The following DNAH2 variants were observed in gnomAD, a reference collection of about 807,000 sequenced individuals.
DNAH2 encodes dynein axonemal heavy chain 2.
A neutral mutation model predicts 523.5 loss-of-function variants in DNAH2; 323 were observed. The observed-to-expected ratio is 0.62, with a 90% confidence interval of 0.56 to 0.68. The LOEUF is 0.68. DNAH2 is among the 30% of genes least tolerant of loss of function. The pLI, the probability that DNAH2 is intolerant of heterozygous loss-of-function variation, is 0.00. For missense variants in DNAH2, 4,907 were observed against 5,701.5 expected, an observed-to-expected ratio of 0.86 and a Z score of 4.49; for synonymous variants, 2,093 against 2,177.4, an observed-to-expected ratio of 0.96 and a Z score of 1.08.
intron 12 of DNAH2, among the ~76,000 whole-genome samples, chr17:7,746,831 A>G (rs2075529495): frequency 1.3e-5 from 2 of 152,042 alleles, no homozygotes; most frequent in South Asian, 4.1e-4. Flanking sequence ...TACTAAAAAT[A>G]CAAAAATTAG....
At chr17:7,806,496 A>G (rs2077369947) in intron 61 of DNAH2, among the ~76,000 whole-genome samples, 1 of 151,730 alleles carries the variant, frequency 6.6e-6, no homozygotes, top group Admixed American at 6.6e-5. Flanking sequence ...TCTCTACTAC[A>G]AAATACAAAA....
Position 7,823,909 on chromosome 17 carries a change from T to TCTGCGTGACCTC in DNAH2, c.11408_11419dup (p.Cys3803_Ser3806dup), listed in dbSNP as rs2077941447. 1 of 1,614,092 alleles carries TCTGCGTGACCTC rather than the reference T, an allele frequency of 6.2e-7. No individual in the cohort carries two copies. Among genetic ancestry groups the TCTGCGTGACCTC allele is most frequent in the African/African-American group, 1.3e-5 (1 of 75,058 alleles). On this transcript the variant is annotated inframe_insertion, in exon 75 of 86. Coordinates refer to ENST00000572933, the MANE Select transcript of DNAH2 (RefSeq NM_020877.5). ...TCCCTGCGCCAGGACCGCGTGGCCTTCTGCGTGACCTCCTTCATCATCACC... is the reference window on the plus strand; with the variant it reads ...TCCCTGCGCCAGGACCGCGTGGCCTTCTGCGTGACCTCCTGCGTGACCTCCTTCATCATCACC...
intron 11 of DNAH2, among the ~76,000 whole-genome samples, chr17:7,741,240 T>C (rs112368203): frequency 0.038 from 1,022 of 26,622 alleles, 23 homozygotes; most frequent in African/African-American, 0.12. Context: ...CTCTCTCTCT[T>C]TCTTTCTTTC....
At chr17:7,723,808 C>T in intron 3 of DNAH2, 119 bp downstream of exon 3, 1 of 883,852 alleles carries the variant, frequency 1.1e-6, no homozygotes, top group Non-Finnish European at 1.8e-6. Context: ...TACTTGCTCT[C>T]TGCTGTTAGC....
chr17:7,766,620 T>G, intron 22 of DNAH2, 139 bp downstream of exon 22: 1 of 655,826 alleles, frequency 1.5e-6, no homozygotes, highest in Non-Finnish European at 2.3e-6. Context: ...TGAGGTAAAA[T>G]TCATACAACA....
In DNAH2 at chr17:7,739,877, C is replaced by T. The variant is rs780561313; in HGVS notation, c.1315C>T (p.Arg439Ter). ...DIFHKNLHTLRAVRGGILDVK... is the reference protein window; with the variant it reads ...DIFHKNLHTL ...CTTTCATAAAAATCTGCACACGCTG[C>T]GAGCCGTTCGCGGGGGTATCCTGGA... The change falls in exon 9 of 86, where the codon CGA (arginine) becomes TGA (stop). Residue 439 changes from arginine to a stop codon, truncating the protein, a stop_gained. Coordinates refer to ENST00000572933, the MANE Select transcript of DNAH2 (RefSeq NM_020877.5). LOFTEE classifies it high-confidence loss of function. 1.4e-5 allele frequency: 22 copies of T among 1,613,850 alleles called. No individual in the cohort carries two copies. The highest frequency in any genetic ancestry group is 3.3e-5 in the South Asian group (3 of 91,074).
In DNAH2 at chr17:7,740,572, T is replaced by TCGGCTTCCC. The variant is rs2075282454; in HGVS notation, c.1506+24_1506+32dup. On this transcript the variant is annotated intron_variant, in intron 10 of 85. Transcript: ENST00000572933. The stretch of plus-strand genomic sequence containing the variant: ...GAGGTGCGGCTGCCCCGCGGCTTCC[T>TCGGCTTCCC]CGGCTTCCCGTCCCGCGTGCTTTCC... 4.3e-6 allele frequency: 7 copies of TCGGCTTCCC among 1,610,652 alleles called. No homozygotes were observed. In the East Asian group the frequency reaches 1.3e-4, roughly 31 times the overall value.
In DNAH2 at chr17:7,780,340, C is replaced by T. The variant is rs2076569664; in HGVS notation, c.5850+56C>T. The T allele has an allele frequency of 6.2e-7, 1 of 1,612,066 alleles. No homozygotes were observed. On this transcript the variant is annotated intron_variant, in intron 37 of 85. Transcript: ENST00000572933. The surrounding 1 kb of genome is among the most constrained non-coding windows in gnomAD (Gnocchi z 4.4). ...TTTAATTTCCTTTCATAATTATTCC[C>T]TGGACAGAGGAGCTCCCCAAGGGCC... is the stretch of plus-strand genomic sequence containing the variant.
chr17:7,723,755 G>T, intron 3 of DNAH2, 66 bp downstream of exon 3: 1 of 1,377,958 alleles, frequency 7.3e-7, no homozygotes, highest in Non-Finnish European at 1.0e-6. Flanking sequence ...AGGATCAGTT[G>T]TGGATGGCAC....
chr17:7,771,504 C>T lies in DNAH2; in HGVS notation c.4501+36C>T, dbSNP rs767790961. The T allele has an allele frequency of 7.0e-5, 112 of 1,610,984 alleles. No individual in the cohort carries two copies. In the South Asian group the frequency reaches 9.5e-4, roughly 14 times the overall value. ...CAGGGCTCCTGCCCTGACACAGCCTCGGCAGGCACTCTGCTTGGTCATGGT... is the reference window on the plus strand; with the variant it reads ...CAGGGCTCCTGCCCTGACACAGCCTTGGCAGGCACTCTGCTTGGTCATGGT... On this transcript the variant is annotated intron_variant, in intron 28 of 85. Coordinates refer to ENST00000572933, the MANE Select transcript of DNAH2 (RefSeq NM_020877.5).
intron 63 of DNAH2, among the ~76,000 whole-genome samples, chr17:7,813,423 T>A (rs2077574594): frequency 6.6e-6 from 1 of 152,092 alleles, no homozygotes; most frequent in South Asian, 2.1e-4. Flanking sequence ...GCGTTGTTAA[T>A]AGCAGAATGT....
intron 20 of DNAH2, among the ~76,000 whole-genome samples, chr17:7,765,172 C>T (rs1359347438): frequency 6.6e-6 from 1 of 152,238 alleles, no homozygotes; most frequent in African/African-American, 2.4e-5. Context: ...TCCTTAAAAA[C>T]TTTCATGAGA....
chr17:7,781,151 T>C lies in DNAH2; in HGVS notation c.6113T>C (p.Val2038Ala). 6.2e-7 allele frequency: 1 copy of C among 1,614,226 alleles called. No individual in the cohort carries two copies. The highest frequency in any genetic ancestry group is 2.2e-5 in the East Asian group (1 of 44,886). ...CTGTTTCCCAACATTGAGCTGCCTG[T>C]CATTGACTATGGCAAGGTATTTGTT... ...QDLFPNIELP[V>A]IDYGKLRETV... The change falls in exon 39 of 86, where the codon GTC becomes GCC. Residue 2038 changes from valine (V) to alanine (A), a missense_variant. This residue lies in a region of DNAH2 where 2,806 missense variants were observed against 3,190.8 expected (regional missense o/e 0.88). Coordinates refer to ENST00000572933, the MANE Select transcript of DNAH2 (RefSeq NM_020877.5).
intron 29 of DNAH2, 43 bp from the exon 30 acceptor site, chr17:7,775,198 A>G: frequency 1.9e-6 from 3 of 1,590,230 alleles, no homozygotes; most frequent in Non-Finnish European, 2.6e-6. Flanking sequence ...GCGGACACCA[A>G]GGGTGGGCAG....
intron 12 of DNAH2, among the ~76,000 whole-genome samples, chr17:7,745,855 A>G (rs1251826494): frequency 6.6e-6 from 1 of 151,914 alleles, no homozygotes; most frequent in Non-Finnish European, 1.5e-5. Context: ...GTTGGTGGCT[A>G]CCTCCTTCTA....
At chr17:7,740,090 C>A (rs2075268075) in intron 9 of DNAH2, 152 bp downstream of exon 9, 5 of 593,830 alleles carry the variant, frequency 8.4e-6, no homozygotes, top group South Asian at 3.2e-5. Context: ...GGAGAGAGTG[C>A]AGGGGAGGGG....
intron 77 of DNAH2, among the ~76,000 whole-genome samples, chr17:7,829,033 T>TTATTA (rs1567767855): frequency 7.0e-6 from 1 of 142,370 alleles, no homozygotes; most frequent in Non-Finnish European, 1.6e-5. Flanking sequence ...TATTATTATT[T>TTATTA]TTTTTTTTTT....
rs147033418 is a variant in DNAH2 at position 7,789,083 on chromosome 17, G to T, written c.6900+839G>T. 3.3e-3 allele frequency among the ~76,000 whole-genome samples: 499 copies of T among 152,296 alleles called. 4 individuals carry two copies. Among genetic ancestry groups the T allele is most frequent in the Middle Eastern group, 0.01 (3 of 294 alleles). ...GGAGGCTGAGACAGGACAATCGCTT[G>T]AACCCAGGAGGCAGAGGCTGCAGTA... On this transcript the variant is annotated intron_variant, in intron 44 of 85. Transcript: ENST00000572933.
At chr17:7,759,696 T>G in intron 16 of DNAH2, 86 bp downstream of exon 16, 1 of 1,601,052 alleles carries the variant, frequency 6.2e-7, no homozygotes, top group Admixed American at 1.7e-5. Context: ...GTCCTTGGCC[T>G]TGACTTTATC....
Sources: allele counts gnomAD v4.1 joint callset (sites outside exome capture counted in the v4.1 genomes callset), GRCh38; gene constraint gnomAD v4.1.1; regional missense constraint gnomAD v4.1.1; non-coding constraint Gnocchi (gnomAD v3.1); transcripts MANE v1.5; gene names NCBI Gene and HGNC (gene_info 2026-07-23, HGNC 2026-07-21).